The following MAP3K3 variants were observed in gnomAD, a reference collection of about 807,000 sequenced individuals.
MAP3K3 encodes mitogen-activated protein kinase kinase kinase 3.
In MAP3K3, 12 loss-of-function variants were observed where a neutral mutation model predicts 80.9. The observed-to-expected ratio is 0.15, with a 90% CI of 0.10 to 0.24. The LOEUF is 0.24. Ranked by LOEUF, MAP3K3 falls within the 10% of genes least tolerant of loss-of-function variation. The pLI is 1.00. For synonymous variants in MAP3K3, 272 were observed against 307.1 expected (o/e 0.89, Z 1.19); for missense variants, 596 against 834.7 (o/e 0.71, Z 3.52).
intron 1 of MAP3K3, among the ~76,000 whole-genome samples, chr17:63,630,754 T>C (rs1039762586): frequency 1.3e-5 from 2 of 152,226 alleles, no homozygotes; most frequent in Admixed American, 1.3e-4. Flanking sequence ...CATTATCCCC[T>C]TTACTGCATG....
chr17:63,664,833 T>C (rs926223737), intron 5 of MAP3K3, among the ~76,000 whole-genome samples: 1 of 152,200 alleles, frequency 6.6e-6, no homozygotes. Context: ...TTCCTCTTTT[T>C]CCCACTTCTG....
At position 63,695,922 on chromosome 17, in the gene MAP3K3, T is replaced by C. The variant is rs1458231574; in HGVS notation, c.*2145T>C. 1 of 152,516 alleles carries C rather than the reference T, an allele frequency of 6.6e-6. No individual in the cohort carries two copies. Among genetic ancestry groups the C allele is most frequent in the Non-Finnish European group, 1.5e-5 (1 of 68,002 alleles). The allele number at this position is 152,516 out of a possible 1,614,324, so 9.4% of individuals were successfully genotyped here. ...AAGTTGTTGCTTAATTTATTGTTTT[T>C]TAATAACTAATCCAGATAAAAAGTT... On this transcript the variant is annotated 3_prime_UTR_variant, in exon 16 of 16. Transcript: ENST00000361733. The surrounding 1 kb of genome is among the most constrained non-coding windows in gnomAD (Gnocchi z 4.1).
At position 63,692,291 on chromosome 17, in the gene MAP3K3, T is replaced by C. The variant is rs757927190; in HGVS notation, c.1524T>C (p.Phe508=). The change falls in exon 15 of 16, where the codon TTT becomes TTC. Residue 508 remains phenylalanine, a synonymous_variant. Transcript: ENST00000361733. The surrounding 1 kb of genome is among the most constrained non-coding windows in gnomAD (Gnocchi z 4.5). ...DSAGNVKLGD[F]GASKRLQTIC... ...CTGGGAATGTAAAGCTGGGGGACTTTGGGGCCAGCAAACGCCTGCAGACGA... is the reference window on the plus strand; with the variant it reads ...CTGGGAATGTAAAGCTGGGGGACTTCGGGGCCAGCAAACGCCTGCAGACGA... 5 of 1,613,708 alleles carry C rather than the reference T, an allele frequency of 3.1e-6. No individual in the cohort carries two copies. In the South Asian group the frequency reaches 4.4e-5, roughly 14 times the overall value.
chr17:63,662,388 C>G (rs2034912356), intron 5 of MAP3K3, among the ~76,000 whole-genome samples: 1 of 151,990 alleles, frequency 6.6e-6, no homozygotes, highest in Non-Finnish European at 1.5e-5. Flanking sequence ...GCACTCCAGC[C>G]TGGGTGACAG....
rs1189685707 is a variant in MAP3K3, at chr17:63,688,602, C to G, written c.778+8C>G. On this transcript the variant is annotated splice_region_variant and intron_variant, in intron 9 of 15. Coordinates refer to ENST00000361733, the MANE Select transcript of MAP3K3 (RefSeq NM_002401.5). ...ACAGACAGGAATACTCAGGTGAGTT[C>G]CACAGAGCCTGGGTGGGTAATGCAG... The G allele has an allele frequency of 3.1e-6, 5 of 1,613,486 alleles. No homozygotes were observed. Among genetic ancestry groups the G allele is most frequent in the Non-Finnish European group, 4.2e-6 (5 of 1,179,426 alleles).
chr17:63,637,019 G>A (rs1333157951), intron 2 of MAP3K3: 2 of 587,884 alleles, frequency 3.4e-6, no homozygotes, highest in Non-Finnish European at 6.5e-6. Context: ...TGTGGTGGGG[G>A]ACGACAAGGT....
rs1401196820 is a variant in MAP3K3 at position 63,693,525 on chromosome 17, T to G, written c.1653-24T>G. On this transcript the variant is annotated intron_variant, in intron 15 of 15. Coordinates refer to ENST00000361733, the MANE Select transcript of MAP3K3 (RefSeq NM_002401.5). The surrounding 1 kb of genome is among the most constrained non-coding windows in gnomAD (Gnocchi z 4.2). ...TGGGAGTCCAGGGCTGGCTGAGGGGTGACACGGGGTTCTCTCTTTCCAGGA... is the reference window on the plus strand; with the variant it reads ...TGGGAGTCCAGGGCTGGCTGAGGGGGGACACGGGGTTCTCTCTTTCCAGGA... The G allele has an allele frequency of 6.3e-7, 1 of 1,583,996 alleles. No individual in the cohort carries two copies. Among genetic ancestry groups the G allele is most frequent in the Non-Finnish European group, 8.6e-7 (1 of 1,165,024 alleles).
intron 4 of MAP3K3, among the ~76,000 whole-genome samples, chr17:63,657,485 T>C (rs1188475922): frequency 6.6e-6 from 1 of 152,128 alleles, no homozygotes; most frequent in Non-Finnish European, 1.5e-5. Flanking sequence ...TGCCTGGGGC[T>C]GGAGGTGGGA....
intron 1 of MAP3K3, among the ~76,000 whole-genome samples, chr17:63,625,258 ATTAT>A (rs1382444814): frequency 1.3e-5 from 2 of 152,178 alleles, no homozygotes; most frequent in Non-Finnish European, 2.9e-5. Flanking sequence ...TCTAGTGGAA[ATTAT>A]TTATCTCTGT....
intron 4 of MAP3K3, among the ~76,000 whole-genome samples, chr17:63,653,826 T>C (rs2143358046): frequency 6.6e-6 from 1 of 152,348 alleles, no homozygotes; most frequent in Non-Finnish European, 1.5e-5. Flanking sequence ...TTTAGTATGC[T>C]GATAGAGTTG....
chr17:63,632,272 A>G (rs541904175), intron 1 of MAP3K3, among the ~76,000 whole-genome samples: 10 of 152,186 alleles, frequency 6.6e-5, no homozygotes, highest in African/African-American at 2.2e-4. Context: ...CAGGAGGATC[A>G]CTGGAGTCCA....
chr17:63,634,698 T>C lies in MAP3K3; in HGVS notation c.126+1896T>C, dbSNP rs771152078. 5 of 1,607,154 alleles carry C rather than the reference T, an allele frequency of 3.1e-6. No individual in the cohort carries two copies. The African/African-American group carries it at 6.7e-5, about 22-fold the overall frequency. The stretch of plus-strand genomic sequence containing the variant: ...TACAAATTATTAACCTCAGTTTTTT[T>C]GTTTTTAAAGAAAAAACACAACAGC... On this transcript the variant is annotated intron_variant, in intron 2 of 15. Transcript: ENST00000361733.
chr17:63,628,400 G>C (rs1044153540), intron 1 of MAP3K3, among the ~76,000 whole-genome samples: 7 of 120,720 alleles, frequency 5.8e-5, no homozygotes, highest in Non-Finnish European at 8.5e-5. Context: ...CGCTCTTGTT[G>C]CCCAGGCTGG....
intron 5 of MAP3K3, among the ~76,000 whole-genome samples, chr17:63,660,643 A>T (rs1169450497): frequency 2.0e-5 from 3 of 148,424 alleles, no homozygotes. Context: ...CCCAGGCTGG[A>T]GTGCAGGGGT....
chr17:63,688,412 T>C (rs1471166170), intron 8 of MAP3K3, 115 bp from the exon 9 acceptor site: 5 of 812,726 alleles, frequency 6.2e-6, no homozygotes, highest in African/African-American at 3.4e-5. Flanking sequence ...TCCCGCAAAA[T>C]CTGCTTCCCC....
chr17:63,652,630 C>G lies in MAP3K3; in HGVS notation c.241C>G (p.Leu81Val), dbSNP rs919542124. 3.7e-6 allele frequency: 6 copies of G among 1,613,612 alleles called. No homozygotes were observed. Among genetic ancestry groups the G allele is most frequent in the East Asian group, 2.2e-5 (1 of 44,878 alleles). Reference sequence around the variant, plus strand: ...GGTGACAACAGTATTTGGACAACCTCTTGATCTACATTACATGAACAATGA... The same window carrying G: ...GGTGACAACAGTATTTGGACAACCTGTTGATCTACATTACATGAACAATGA... ...HKVTTVFGQPLDLHYMNNELS... is the reference protein window; with the variant it reads ...HKVTTVFGQPVDLHYMNNELS... The change falls in exon 4 of 16, where the codon CTT (leucine) becomes GTT (valine). Residue 81 changes from leucine to valine, a missense_variant. Around this residue, in one of 2 missense-constraint regions of MAP3K3, gnomAD observed 232 missense variants for 245.8 expected, o/e 0.94. Coordinates refer to ENST00000361733, the MANE Select transcript of MAP3K3 (RefSeq NM_002401.5).
At chr17:63,653,936 G>A (rs900926163) in intron 4 of MAP3K3, among the ~76,000 whole-genome samples, 5 of 151,916 alleles carry the variant, frequency 3.3e-5, no homozygotes, top group African/African-American at 1.2e-4. Flanking sequence ...GTGCAAACAC[G>A]GCTCACTGCA....
At chr17:63,653,906 G>A (rs888134197) in intron 4 of MAP3K3, among the ~76,000 whole-genome samples, 7 of 151,760 alleles carry the variant, frequency 4.6e-5, no homozygotes, top group East Asian at 1.9e-4. Flanking sequence ...TTGCTCTGTC[G>A]CCCATGCTGG....
chr17:63,693,201 C>T lies in MAP3K3; in HGVS notation c.1653-348C>T, dbSNP rs925367759. On this transcript the variant is annotated intron_variant, in intron 15 of 15. Coordinates refer to ENST00000361733, the MANE Select transcript of MAP3K3 (RefSeq NM_002401.5). The surrounding 1 kb of genome is among the most constrained non-coding windows in gnomAD (Gnocchi z 4.2). ...TTAGCCCTGTGAGACTGATTTTAGACCTCTGACCTTCAGAACTGTAAGATG... is the reference window on the plus strand; with the variant it reads ...TTAGCCCTGTGAGACTGATTTTAGATCTCTGACCTTCAGAACTGTAAGATG... Among the ~76,000 whole-genome samples, 6 of 152,328 alleles carry T rather than the reference C, an allele frequency of 3.9e-5. No individual in the cohort carries two copies. Among genetic ancestry groups the T allele is most frequent in the South Asian group, 2.1e-4 (1 of 4,834 alleles).
Sources: allele counts gnomAD v4.1 joint callset (sites outside exome capture counted in the v4.1 genomes callset), GRCh38; gene constraint gnomAD v4.1.1; regional missense constraint gnomAD v4.1.1; non-coding constraint Gnocchi (gnomAD v3.1); transcripts MANE v1.5; gene names NCBI Gene and HGNC (gene_info 2026-07-23, HGNC 2026-07-21).